Variants in LHFPL2 observed in about 807,000 individuals in gnomAD.
The protein encoded by LHFPL2 is LHFPL tetraspan subfamily member 2 protein.
In LHFPL2, 7 loss-of-function variants were observed where a neutral mutation model predicts 17.5. The ratio of observed to expected loss-of-function variants is 0.40; its 90% confidence interval spans 0.23 to 0.75. LHFPL2 has a LOEUF of 0.75. Among genes scored for constraint, LHFPL2 ranks in the 30% least tolerant of loss-of-function variants. The pLI is 0.37. For synonymous variants in LHFPL2, 134 were observed against 116.2 expected (o/e 1.15, Z -0.99); for missense variants, 241 against 294.8 (o/e 0.82, Z 1.34).
At chr5:78,538,813 T>A in intron 3 of LHFPL2, among the ~76,000 whole-genome samples, 1 of 152,182 alleles carries the variant, frequency 6.6e-6, no homozygotes, top group East Asian at 1.9e-4. Flanking sequence ...TCCCATTGTC[T>A]TTGAGATGCA....
chr5:78,602,465 T>C (rs923259146), intron 2 of LHFPL2, among the ~76,000 whole-genome samples: 3 of 152,212 alleles, frequency 2.0e-5, no homozygotes, highest in Non-Finnish European at 4.4e-5. Flanking sequence ...CAAAAAAGTA[T>C]GGCACCAGAA....
chr5:78,525,592 A>C (rs892651247), intron 3 of LHFPL2, among the ~76,000 whole-genome samples: 3 of 152,242 alleles, frequency 2.0e-5, no homozygotes, highest in South Asian at 2.1e-4. Context: ...ACTCACCTTG[A>C]TAAAAATCAA....
intron 2 of LHFPL2, among the ~76,000 whole-genome samples, chr5:78,600,233 A>G (rs1743964874): frequency 6.6e-6 from 1 of 151,824 alleles, no homozygotes; most frequent in Non-Finnish European, 1.5e-5. Flanking sequence ...TCAAGCGAGC[A>G]AACTAGATAC....
intron 3 of LHFPL2, among the ~76,000 whole-genome samples, chr5:78,548,356 T>C (rs940998138): frequency 2.6e-5 from 4 of 152,250 alleles, no homozygotes; most frequent in Non-Finnish European, 5.9e-5. Context: ...AGCACTTGCC[T>C]GTCCAGCCTC....
chr5:78,569,602 G>C (rs970948953), intron 2 of LHFPL2, among the ~76,000 whole-genome samples: 1 of 152,288 alleles, frequency 6.6e-6, no homozygotes, highest in African/African-American at 2.4e-5. Context: ...GCTGAACCTT[G>C]CAAGATTTTC....
At chr5:78,610,335 C>T (rs1009564363) in intron 2 of LHFPL2, among the ~76,000 whole-genome samples, 6 of 152,218 alleles carry the variant, frequency 3.9e-5, no homozygotes, top group Non-Finnish European at 8.8e-5. Flanking sequence ...TAAACGGAAA[C>T]GTCTTCACGA....
At chr5:78,523,455 G>A (rs948979072) in intron 3 of LHFPL2, among the ~76,000 whole-genome samples, 16 of 152,096 alleles carry the variant, frequency 1.1e-4, no homozygotes, top group Non-Finnish European at 4.4e-5. Context: ...AGAAGAAGGC[G>A]GGAGGACCAG....
At chr5:78,633,871 T>C (rs1561374894) in intron 1 of LHFPL2, among the ~76,000 whole-genome samples, 1 of 151,918 alleles carries the variant, frequency 6.6e-6, no homozygotes, top group Non-Finnish European at 1.5e-5. Flanking sequence ...TAGACATTTC[T>C]CCTCCCACCT....
chr5:78,602,380 G>T (rs950917779), intron 2 of LHFPL2, among the ~76,000 whole-genome samples: 8 of 152,110 alleles, frequency 5.3e-5, no homozygotes, highest in African/African-American at 1.9e-4. Flanking sequence ...CTTCACTAAA[G>T]GCATTTTATT....
At chr5:78,633,277 T>TGGA (rs1451958276) in intron 1 of LHFPL2, among the ~76,000 whole-genome samples, 2 of 152,206 alleles carry the variant, frequency 1.3e-5, no homozygotes, top group Non-Finnish European at 2.9e-5. Context: ...AGTGAACCAC[T>TGGA]GCTTCTGAAG....
intron 2 of LHFPL2, among the ~76,000 whole-genome samples, chr5:78,617,919 G>A (rs1228931981): frequency 1.3e-5 from 2 of 152,006 alleles, no homozygotes; most frequent in East Asian, 1.9e-4. Flanking sequence ...AAAAAATTCA[G>A]GGGCTGGGCG....
At chr5:78,596,052 T>C (rs1045758871) in intron 2 of LHFPL2, among the ~76,000 whole-genome samples, 1 of 152,212 alleles carries the variant, frequency 6.6e-6, no homozygotes, top group African/African-American at 2.4e-5. Context: ...CAAAACATTC[T>C]TTCATCAGTT....
chr5:78,547,464 GGAGGAGCCATA>G (rs1459322426), intron 3 of LHFPL2, among the ~76,000 whole-genome samples: 23 of 152,226 alleles, frequency 1.5e-4, no homozygotes, highest in Admixed American at 2.6e-4. Flanking sequence ...CTGGGCTTCT[GGAGGAGCCATA>G]GTGCATTTAC....
intron 2 of LHFPL2, among the ~76,000 whole-genome samples, chr5:78,616,019 C>T (rs1321156075): frequency 2.0e-5 from 3 of 152,148 alleles, no homozygotes; most frequent in African/African-American, 7.2e-5. Context: ...TGCTCACCCA[C>T]ACTCCTCCCT....
intron 3 of LHFPL2, among the ~76,000 whole-genome samples, chr5:78,518,428 T>G (rs937856445): frequency 2.0e-5 from 3 of 152,178 alleles, no homozygotes; most frequent in African/African-American, 7.2e-5. Flanking sequence ...TGTAGAAAGG[T>G]TTATACTTTC....
intron 3 of LHFPL2, among the ~76,000 whole-genome samples, chr5:78,520,399 G>C (rs530347399): frequency 2.4e-4 from 37 of 152,322 alleles, no homozygotes; most frequent in African/African-American, 8.9e-4. Flanking sequence ...CAGGCCCAAA[G>C]TGAAGGCGCT....
At chr5:78,594,271 AG>A (rs1203008920) in intron 2 of LHFPL2, among the ~76,000 whole-genome samples, 1 of 152,304 alleles carries the variant, frequency 6.6e-6, no homozygotes, top group East Asian at 1.9e-4. Flanking sequence ...CCCTATTTTT[AG>A]GGGGAGAGGC....
At chr5:78,596,042 C>T (rs948670220) in intron 2 of LHFPL2, among the ~76,000 whole-genome samples, 1 of 152,088 alleles carries the variant, frequency 6.6e-6, no homozygotes, top group East Asian at 1.9e-4. Context: ...ATATGAAAGT[C>T]AAAACATTCT....
At chr5:78,557,833 T>C (rs369002441) in intron 3 of LHFPL2, among the ~76,000 whole-genome samples, 1 of 152,196 alleles carries the variant, frequency 6.6e-6, no homozygotes, top group African/African-American at 2.4e-5. Flanking sequence ...CTCTGTAACA[T>C]GTGCCAAGTG....
Sources: gnomAD v4.1 joint callset for allele counts (sites outside exome capture counted in the v4.1 genomes callset) on GRCh38, gnomAD v4.1.1 for gene constraint, MANE v1.5 for transcripts, NCBI Gene and HGNC (gene_info 2026-07-23, HGNC 2026-07-21) for gene names.